Variants in CKAP5 observed in about 807,000 individuals in gnomAD.
CKAP5 encodes the protein cytoskeleton-associated protein 5.
Under a neutral mutation model 232.8 loss-of-function variants are expected in CKAP5, and 27 were observed. That is an observed-to-expected ratio of 0.12 (90% confidence interval 0.09 to 0.16). CKAP5 has a LOEUF of 0.16. CKAP5 is among the 10% of genes least tolerant of loss of function. CKAP5 has a pLI of 1.00. For synonymous variants in CKAP5, 785 were observed against 841.1 expected (o/e 0.93, Z 1.16); for missense variants, 1,838 against 2,424.7 (o/e 0.76, Z 5.08).
At chr11:46,819,217 G>A (rs1479608832) in intron 2 of CKAP5, among the ~76,000 whole-genome samples, 2 of 152,134 alleles carry the variant, frequency 1.3e-5, no homozygotes, top group Non-Finnish European at 2.9e-5. Flanking sequence ...AGCCCTGAAA[G>A]ATAAATAGGA....
intron 40 of CKAP5, 64 bp from the exon 41 acceptor site, chr11:46,750,675 T>C (rs2065057037): frequency 2.4e-6 from 3 of 1,274,594 alleles, no homozygotes; most frequent in Non-Finnish European, 2.2e-6. Flanking sequence ...GAACTGATGG[T>C]TGGATATGAA....
chr11:46,821,614 A>C, intron 1 of CKAP5, among the ~76,000 whole-genome samples: 1 of 151,716 alleles, frequency 6.6e-6, no homozygotes, highest in East Asian at 2.0e-4. Flanking sequence ...TTTAGTAGAG[A>C]CAGGGCTTCA....
At chr11:46,760,227 T>A in intron 33 of CKAP5, 1 of 248,778 alleles carries the variant, frequency 4.0e-6, no homozygotes. Flanking sequence ...CATGGGGTAC[T>A]TATGGACACC....
intron 13 of CKAP5, 69 bp downstream of exon 13, chr11:46,795,525 G>C (rs1034262114): frequency 1.5e-6 from 2 of 1,292,684 alleles, no homozygotes; most frequent in African/African-American, 3.0e-5. Flanking sequence ...AATAATTTTA[G>C]AGGAACAACC....
At chr11:46,834,359 A>C (rs1451277759) in intron 1 of CKAP5, among the ~76,000 whole-genome samples, 1 of 151,868 alleles carries the variant, frequency 6.6e-6, no homozygotes, top group Non-Finnish European at 1.5e-5. Context: ...TCTCTACTAA[A>C]AATACAAAAA....
chr11:46,777,685 T>C, intron 22 of CKAP5, 133 bp from the exon 23 acceptor site: 1 of 601,830 alleles, frequency 1.7e-6, no homozygotes, highest in Non-Finnish European at 2.9e-6. Context: ...CACTGGCTTG[T>C]CATGCTATTC....
At position 46,744,000 on chromosome 11, in the gene CKAP5, G is replaced by A; in HGVS notation, c.*23C>T. 3 of 1,611,960 alleles carry A rather than the reference G, an allele frequency of 1.9e-6. No homozygotes were observed. Among genetic ancestry groups the A allele is most frequent in the Non-Finnish European group, 2.5e-6 (3 of 1,179,896 alleles). The stretch of plus-strand genomic sequence containing the variant: ...CTAGTTTAGTAAACTAAAGCTGCAG[G>A]GTGCCGGGGGAGTGGGGCAGCTTCA... On this transcript the variant is annotated 3_prime_UTR_variant, in exon 44 of 44. Coordinates refer to ENST00000529230, the MANE Select transcript of CKAP5 (RefSeq NM_001008938.4).
chr11:46,785,474 C>T (rs780585340), intron 16 of CKAP5, among the ~76,000 whole-genome samples: 6 of 152,110 alleles, frequency 3.9e-5, no homozygotes, highest in Admixed American at 1.3e-4. Context: ...TACTTACAGG[C>T]GCCCGCCACC....
At chr11:46,823,628 C>T (rs890045903) in intron 1 of CKAP5, among the ~76,000 whole-genome samples, 2 of 152,008 alleles carry the variant, frequency 1.3e-5, no homozygotes, top group African/African-American at 4.8e-5. Flanking sequence ...CACTCTGTCA[C>T]CCAGGCTGGA....
chr11:46,763,872 C>A (rs966935031), intron 28 of CKAP5, among the ~76,000 whole-genome samples: 1 of 152,100 alleles, frequency 6.6e-6, no homozygotes, highest in African/African-American at 2.4e-5. Context: ...TCACCTGTTG[C>A]CTGGGCATGG....
At chr11:46,783,986 G>C (rs534797990) in intron 17 of CKAP5, among the ~76,000 whole-genome samples, 56 of 151,974 alleles carry the variant, frequency 3.7e-4, no homozygotes, top group African/African-American at 1.3e-3. Context: ...GATTGCAGGT[G>C]TGAGCCTCTG....
Position 46,751,067 on chromosome 11 carries a change from C to G in CKAP5, c.5460+51G>C, listed in dbSNP as rs1164824497. 3 of 1,606,128 alleles carry G rather than the reference C, an allele frequency of 1.9e-6. No homozygotes were observed. In the South Asian group the frequency reaches 3.3e-5, roughly 18 times the overall value. On this transcript the variant is annotated intron_variant, in intron 40 of 43. Transcript: ENST00000529230. ...TGGTGACCTACACCTTAGATAAGAT[C>G]ACTTCCGGTGTAGCCTCATGTCCCT...
Position 46,811,036 on chromosome 11 carries a change from G to T in CKAP5, c.601C>A (p.Pro201Thr), listed in dbSNP as rs1449975886. The T allele has an allele frequency of 1.9e-6, 3 of 1,613,616 alleles. No homozygotes were observed. The highest frequency in any genetic ancestry group is 1.1e-5 in the South Asian group (1 of 90,954). ...ACAGAGTTTATATTTTGTAATGGGG[G>T]TCTCAGAGCATCCCGAATCCATCTG... The part of the protein sequence containing the change: ...IYRWIRDALR[P>T]PLQNINSVQL... Residue 201 changes from proline to threonine, a missense_variant, in exon 5 of 44, where the codon CCC (proline) becomes ACC (threonine). Physicochemically the swap from Pro to Thr is conservative, Grantham distance 38. Coordinates refer to ENST00000529230, the MANE Select transcript of CKAP5 (RefSeq NM_001008938.4).
intron 1 of CKAP5, among the ~76,000 whole-genome samples, chr11:46,833,324 A>G (rs1014095894): frequency 1.3e-5 from 2 of 152,180 alleles, no homozygotes; most frequent in African/African-American, 4.8e-5. Context: ...AATATGACCC[A>G]TGTGACCAAA....
At chr11:46,761,510 T>C (rs1204986631) in intron 32 of CKAP5, among the ~76,000 whole-genome samples, 1 of 152,152 alleles carries the variant, frequency 6.6e-6, no homozygotes, top group Non-Finnish European at 1.5e-5. Context: ...GGTGACACTA[T>C]GAGGTAACTG....
At chr11:46,751,586 T>C (rs1329354763) in intron 38 of CKAP5, 52 bp from the exon 39 acceptor site, 2 of 1,443,268 alleles carry the variant, frequency 1.4e-6, no homozygotes, top group African/African-American at 1.4e-5. Context: ...TGAGGATAAT[T>C]TGTCACCATT....
At chr11:46,824,206 A>G (rs556997419) in intron 1 of CKAP5, among the ~76,000 whole-genome samples, 1 of 152,328 alleles carries the variant, frequency 6.6e-6, no homozygotes, top group South Asian at 2.1e-4. Context: ...GAAAGATGGA[A>G]TTGTAAAAGT....
chr11:46,754,711 GGA>G (rs1336932989), intron 36 of CKAP5, among the ~76,000 whole-genome samples, 175 bp downstream of exon 36: 19 of 152,180 alleles, frequency 1.2e-4, no homozygotes, highest in African/African-American at 4.6e-4. Flanking sequence ...CAGTAAGGTG[GGA>G]TGGAGTGTAG....
intron 24 of CKAP5, among the ~76,000 whole-genome samples, chr11:46,772,247 G>T (rs1476352806): frequency 6.6e-6 from 1 of 151,804 alleles, no homozygotes; most frequent in Non-Finnish European, 1.5e-5. Flanking sequence ...CTTTTCTGTT[G>T]TTCTGTAGCT....
Sources: allele counts gnomAD v4.1 joint callset (sites outside exome capture counted in the v4.1 genomes callset), GRCh38; gene constraint gnomAD v4.1.1; transcripts MANE v1.5; gene names NCBI Gene and HGNC (gene_info 2026-07-23, HGNC 2026-07-21).